The following SYNPR variants were observed in gnomAD, a reference collection of about 807,000 sequenced individuals.
The protein encoded by SYNPR is synaptoporin.
Under a neutral mutation model 32.9 loss-of-function variants are expected in SYNPR, and 23 were observed. The observed-to-expected ratio is 0.70, with a 90% CI of 0.50 to 0.99. The LOEUF (loss-of-function observed/expected upper bound fraction) is 0.99. Among genes scored for constraint, SYNPR ranks in the 50% least tolerant of loss-of-function variants. The probability of loss-of-function intolerance (pLI) is 0.00; values close to 1 mark genes in which losing one functional copy is unlikely to be tolerated. For synonymous variants in SYNPR, 146 were observed against 135.9 expected, an observed-to-expected ratio of 1.07 and a Z score of -0.52; for missense variants, 318 against 349.3, an observed-to-expected ratio of 0.91 and a Z score of 0.71.
chr3:63,337,697 A>G (rs1247165448), intron 2 of SYNPR, among the ~76,000 whole-genome samples: 7 of 152,228 alleles, frequency 4.6e-5, no homozygotes, highest in African/African-American at 1.7e-4. Context: ...ACAAATATCA[A>G]TTAAGCCACA....
At chr3:63,204,224 A>G in the SYNPR span, among the ~76,000 whole-genome samples, 2 of 152,204 alleles carry the variant, frequency 1.3e-5, no homozygotes, top group Non-Finnish European at 2.9e-5. Flanking sequence ...ACAATTGTAA[A>G]GACTACAAGT....
At chr3:63,505,096 C>T (rs1442456482) in intron 3 of SYNPR, among the ~76,000 whole-genome samples, 2 of 152,120 alleles carry the variant, frequency 1.3e-5, no homozygotes, top group Non-Finnish European at 2.9e-5. Context: ...GTTAACAGCT[C>T]TCATTTACTG....
intron 3 of SYNPR, among the ~76,000 whole-genome samples, chr3:63,512,911 T>G (rs888019462): frequency 1.3e-5 from 2 of 152,056 alleles, no homozygotes; most frequent in African/African-American, 4.8e-5. Context: ...AAATCTAAAT[T>G]TTAAAAGTCC....
chr3:63,346,985 G>A (rs1560199968), intron 2 of SYNPR, among the ~76,000 whole-genome samples: 1 of 152,110 alleles, frequency 6.6e-6, no homozygotes, highest in Non-Finnish European at 1.5e-5. Flanking sequence ...AGTCTTTCGT[G>A]CAGCCATATA....
At chr3:63,561,471 T>G (rs1274915947) in intron 4 of SYNPR, 2 of 152,198 alleles carry the variant, frequency 1.3e-5, no homozygotes, top group Non-Finnish European at 2.9e-5. Context: ...CCCAAGATCC[T>G]GATAGCCAAT....
chr3:63,522,919 G>A (rs1257491284), intron 3 of SYNPR, among the ~76,000 whole-genome samples: 4 of 152,236 alleles, frequency 2.6e-5, no homozygotes, highest in Middle Eastern at 3.4e-3. Context: ...GAAGGGAAGT[G>A]ACAGACTCTG....
At chr3:63,582,498 T>C (rs181240937) in intron 4 of SYNPR, among the ~76,000 whole-genome samples, 1 of 152,280 alleles carries the variant, frequency 6.6e-6, no homozygotes, top group East Asian at 1.9e-4. Flanking sequence ...ATTGGACTTT[T>C]GTCTGATAAT....
At chr3:63,406,966 C>T (rs530391649) in intron 2 of SYNPR, among the ~76,000 whole-genome samples, 1 of 152,252 alleles carries the variant, frequency 6.6e-6, no homozygotes, top group Non-Finnish European at 1.5e-5. Flanking sequence ...AATATTAGCT[C>T]GCCTGTGAAC....
chr3:63,606,987 T>C (rs6770773), intron 4 of SYNPR, among the ~76,000 whole-genome samples: 6,564 of 152,300 alleles, frequency 0.043, 332 homozygotes, highest in African/African-American at 0.12. Flanking sequence ...AAATGTTACA[T>C]ATGAATATTA....
intron 2 of SYNPR, among the ~76,000 whole-genome samples, chr3:63,393,295 T>C (rs1414818055): frequency 6.6e-6 from 1 of 152,146 alleles, no homozygotes; most frequent in African/African-American, 2.4e-5. Context: ...TGTGCATGTA[T>C]GTGAGGGTTA....
intron 2 of SYNPR, among the ~76,000 whole-genome samples, chr3:63,428,621 C>G (rs1286170110): frequency 6.6e-6 from 1 of 152,182 alleles, no homozygotes; most frequent in Admixed American, 6.5e-5. Flanking sequence ...TTTTGGGTGT[C>G]AGCATTTGGG....
chr3:63,309,126 T>G (rs7626955), intron 2 of SYNPR, among the ~76,000 whole-genome samples: 1 of 151,774 alleles, frequency 6.6e-6, no homozygotes, highest in Non-Finnish European at 1.5e-5. Context: ...TCTAATCTGT[T>G]ATTAATTCTA....
At chr3:63,208,507 C>T in the SYNPR span, among the ~76,000 whole-genome samples, 1 of 152,148 alleles carries the variant, frequency 6.6e-6, no homozygotes, top group African/African-American at 2.4e-5. Flanking sequence ...GGTTTGTCCT[C>T]TAGGAAACAA....
At chr3:63,329,950 C>T (rs1473731430) in intron 2 of SYNPR, 2 of 152,138 alleles carry the variant, frequency 1.3e-5, no homozygotes, top group African/African-American at 2.4e-5. Context: ...GTTCTGATAT[C>T]AGGTTGTGTA....
intron 2 of SYNPR, among the ~76,000 whole-genome samples, chr3:63,480,541 T>TC (rs1339196952): frequency 1.3e-5 from 2 of 152,156 alleles, no homozygotes; most frequent in Non-Finnish European, 2.9e-5. Context: ...ATTATGCCTC[T>TC]CCCCTCTGAG....
At chr3:63,517,440 T>C (rs1286142129) in intron 3 of SYNPR, among the ~76,000 whole-genome samples, 1 of 152,046 alleles carries the variant, frequency 6.6e-6, no homozygotes, top group African/African-American at 2.4e-5. Context: ...GAATTTGTAC[T>C]GAAAAGCACA....
Position 63,331,216 on chromosome 3 carries a change from T to C in SYNPR, c.84+52474T>C, listed in dbSNP as rs546104793. Among the ~76,000 whole-genome samples the C allele has an allele frequency of 9.2e-5, 14 of 152,324 alleles. 1 individual carries two copies. In the South Asian group the frequency reaches 2.7e-3, roughly 29 times the overall value. On this transcript the variant is annotated intron_variant, in intron 2 of 5. Transcript: ENST00000478300. ...TCCCAACACACTGATCCAGGCAACCTTAAAACTGAACAGAGTTTACAGGTG... is the reference window on the plus strand; with the variant it reads ...TCCCAACACACTGATCCAGGCAACCCTAAAACTGAACAGAGTTTACAGGTG...
chr3:63,533,658 A>C (rs933528320), intron 3 of SYNPR, among the ~76,000 whole-genome samples: 3 of 152,184 alleles, frequency 2.0e-5, no homozygotes, highest in Non-Finnish European at 4.4e-5. Context: ...CTCAAGGCAC[A>C]TGTACAGTGG....
chr3:63,563,084 A>T (rs1702719065), intron 4 of SYNPR, among the ~76,000 whole-genome samples: 1 of 152,118 alleles, frequency 6.6e-6, no homozygotes, highest in Admixed American at 6.5e-5. Context: ...CCTTAGTCCC[A>T]CAAAGGAAAA....
Sources: gnomAD v4.1 joint callset for allele counts (sites outside exome capture counted in the v4.1 genomes callset) on GRCh38, gnomAD v4.1.1 for gene constraint, MANE v1.5 for transcripts, NCBI Gene and HGNC (gene_info 2026-07-23, HGNC 2026-07-21) for gene names.